CDK6: variants seen among roughly 807,000 people sequenced by gnomAD.
CDK6 encodes the protein cyclin dependent kinase 6, also known as cyclin-dependent kinase 6.
Under a neutral mutation model 37.1 loss-of-function variants are expected in CDK6, and 6 were observed. The ratio of observed to expected loss-of-function variants is 0.16; its 90% CI spans 0.09 to 0.32. CDK6 has a LOEUF of 0.32. Among genes scored for constraint, CDK6 ranks in the 10% least tolerant of loss-of-function variants. The probability of loss-of-function intolerance (pLI) is 1.00; values close to 1 mark genes in which losing one functional copy is unlikely to be tolerated. For missense variants in CDK6, 224 were observed against 418.9 expected, an observed-to-expected ratio of 0.53 and a Z score of 4.06; for synonymous variants, 160 against 161.3, an observed-to-expected ratio of 0.99 and a Z score of 0.06.
intron 2 of CDK6, among the ~76,000 whole-genome samples, chr7:92,784,746 C>T (rs1423958469): frequency 1.3e-5 from 2 of 152,228 alleles, no homozygotes; most frequent in Middle Eastern, 3.4e-3. Flanking sequence ...TTTGCTTATT[C>T]TTTTCTTTCA....
rs762793182 is a variant in CDK6, at chr7:92,833,355, TG to T, written c.-33del. On this transcript the variant is annotated 5_prime_UTR_variant, in exon 2 of 8. Coordinates refer to ENST00000424848, the MANE Select transcript of CDK6 (RefSeq NM_001145306.2). This position sits in a 1 kb window ranked among gnomAD's most constrained non-coding sequence, Gnocchi z 6.1. ...TGGACGCCGCCCGCCGCGGCGCCGCTGGGGCGGGCGGGGGGTGCGCTCAACT... is the reference window on the plus strand; with the variant it reads ...TGGACGCCGCCCGCCGCGGCGCCGCTGGGCGGGCGGGGGGTGCGCTCAACT... 1.6e-5 allele frequency: 23 copies of T among 1,473,652 alleles called. No individual in the cohort carries two copies. The South Asian group carries it at 2.3e-4, about 15-fold the overall frequency. The allele number at this position is 1,473,652 out of a possible 1,614,324, so 91.3% of individuals were successfully genotyped here.
In CDK6 at chr7:92,807,470, A is replaced by G. The variant is rs145313375; in HGVS notation, c.233+25621T>C. Among the ~76,000 whole-genome samples the G allele has an allele frequency of 3.8e-3, 582 of 151,940 alleles. 4 individuals carry two copies. Among genetic ancestry groups the G allele is most frequent in the African/African-American group, 0.013 (546 of 41,516 alleles). On this transcript the variant is annotated intron_variant, in intron 2 of 7. Transcript: ENST00000424848. The stretch of plus-strand genomic sequence containing the variant: ...CATAGATACACATCTCCTTATAAAT[A>G]TATCTACATAATTATATGTAAGTTT...
At chr7:92,696,024 A>T (rs1232860547) in intron 4 of CDK6, among the ~76,000 whole-genome samples, 3 of 152,256 alleles carry the variant, frequency 2.0e-5, no homozygotes, top group Admixed American at 6.5e-5. Context: ...CGGACATGTC[A>T]GCGGTATTGG....
At chr7:92,663,186 T>C (rs891641559) in intron 5 of CDK6, among the ~76,000 whole-genome samples, 2 of 152,000 alleles carry the variant, frequency 1.3e-5, no homozygotes, top group South Asian at 2.1e-4. Flanking sequence ...GTATATGATA[T>C]GTGATAGAAT....
At chr7:92,710,911 G>C in intron 4 of CDK6, 4 of 954,082 alleles carry the variant, frequency 4.2e-6, no homozygotes, top group Non-Finnish European at 5.0e-6. Flanking sequence ...GTCAGAACAT[G>C]CTGGATGCTT....
chr7:92,814,555 CA>C (rs201939605), intron 2 of CDK6, among the ~76,000 whole-genome samples: 4,761 of 70,008 alleles, frequency 0.068, 166 homozygotes, highest in African/African-American at 0.18. Flanking sequence ...AACTGAATTG[CA>C]AAAAAAAAAA....
rs1342887736 is a variant in CDK6, at chr7:92,604,985, TA to T, written c.*10154del. ...CAGTTATACTCATTTTACATTAAAG[TA>T]AAAAAGAAAATAGCCAGGAGAGTAA... On this transcript the variant is annotated 3_prime_UTR_variant, in exon 8 of 8. Transcript: ENST00000424848. 1 of 212,724 alleles carries T rather than the reference TA, an allele frequency of 4.7e-6. No homozygotes were observed. The highest frequency in any genetic ancestry group is 9.4e-6 in the Non-Finnish European group (1 of 106,544). 13.2% of individuals were successfully genotyped at this position (212,724 alleles called of 1,614,324 possible). A position where few individuals can be genotyped will look rare whatever the true frequency, so the allele number is the denominator to read the frequency against.
chr7:92,736,523 A>G (rs1798790872), intron 3 of CDK6, among the ~76,000 whole-genome samples: 1 of 152,178 alleles, frequency 6.6e-6, no homozygotes, highest in Admixed American at 6.5e-5. Context: ...TCTGGGAGGA[A>G]GGCTGGTATT....
intron 7 of CDK6, 91 bp from the exon 8 acceptor site, chr7:92,615,377 G>A: frequency 9.6e-7 from 1 of 1,042,284 alleles, no homozygotes; most frequent in South Asian, 1.4e-5. Context: ...ACTGTCATAT[G>A]TTAAGCGCAT....
At chr7:92,723,434 AGAG>A (rs2116704566) in intron 4 of CDK6, among the ~76,000 whole-genome samples, 1 of 152,286 alleles carries the variant, frequency 6.6e-6, no homozygotes, top group East Asian at 1.9e-4. Context: ...ATTTCCAGGA[AGAG>A]GAGTGTAGTC....
chr7:92,755,329 C>CT (rs901203340), intron 3 of CDK6, among the ~76,000 whole-genome samples: 35 of 147,840 alleles, frequency 2.4e-4, no homozygotes, highest in Non-Finnish European at 3.3e-4. Flanking sequence ...ACAAGGGTAC[C>CT]TTTTTTTTTT....
chr7:92,750,613 AT>A (rs1799166699), intron 3 of CDK6, among the ~76,000 whole-genome samples: 1 of 152,228 alleles, frequency 6.6e-6, no homozygotes, highest in African/African-American at 2.4e-5. Context: ...GTAACAAGCC[AT>A]TTCTAAACAA....
chr7:92,780,168 C>T (rs1449936568), intron 2 of CDK6, among the ~76,000 whole-genome samples: 9 of 152,100 alleles, frequency 5.9e-5, no homozygotes, highest in Non-Finnish European at 1.5e-5. Context: ...GGATGGGTTT[C>T]ACCATGTTGG....
intron 5 of CDK6, among the ~76,000 whole-genome samples, chr7:92,630,442 T>G (rs1796026325): frequency 6.6e-6 from 1 of 152,138 alleles, no homozygotes. Flanking sequence ...TGCATTTTAA[T>G]TCTCACTCTA....
intron 6 of CDK6, 70 bp downstream of exon 6, chr7:92,622,966 T>C: frequency 2.2e-6 from 2 of 905,442 alleles, no homozygotes; most frequent in Admixed American, 2.1e-5. Context: ...ATGATATGCA[T>C]GTCAGAGGAA....
At chr7:92,713,533 TA>T (rs1798150165) in intron 4 of CDK6, among the ~76,000 whole-genome samples, 1 of 152,094 alleles carries the variant, frequency 6.6e-6, no homozygotes, top group African/African-American at 2.4e-5. Flanking sequence ...CATTTAACAT[TA>T]AAAGTGGTTA....
chr7:92,728,763 A>AT (rs538919484), intron 3 of CDK6, among the ~76,000 whole-genome samples: 3 of 150,580 alleles, frequency 2.0e-5, no homozygotes, highest in African/African-American at 4.9e-5. Flanking sequence ...GGCTACTTAA[A>AT]TTTTTTTTTT....
At chr7:92,719,943 A>G (rs904455079) in intron 4 of CDK6, among the ~76,000 whole-genome samples, 4 of 152,158 alleles carry the variant, frequency 2.6e-5, no homozygotes, top group Admixed American at 2.0e-4. Flanking sequence ...AGCACAATGA[A>G]TGTGCTGTTG....
intron 5 of CDK6, among the ~76,000 whole-genome samples, chr7:92,627,475 C>T (rs986628693): frequency 3.9e-5 from 6 of 152,146 alleles, no homozygotes; most frequent in African/African-American, 1.4e-4. Flanking sequence ...TCCCTTTCAC[C>T]ATATGAAGAC....
Sources: allele counts gnomAD v4.1 joint callset (sites outside exome capture counted in the v4.1 genomes callset), GRCh38; gene constraint gnomAD v4.1.1; non-coding constraint Gnocchi (gnomAD v3.1); transcripts MANE v1.5; gene names NCBI Gene and HGNC (gene_info 2026-07-23, HGNC 2026-07-21).